The following ITGA7 variants were observed in gnomAD, a reference collection of about 807,000 sequenced individuals.
ITGA7 encodes integrin subunit alpha 7, also known as integrin alpha-7.
A neutral mutation model predicts 131.6 loss-of-function variants in ITGA7; 84 were observed. The ratio of observed to expected loss-of-function variants is 0.64; its 90% CI spans 0.54 to 0.77. The LOEUF is 0.77. Among genes scored for constraint, ITGA7 ranks in the 30% least tolerant of loss-of-function variants. The pLI, the probability that ITGA7 is intolerant of heterozygous loss-of-function variation, is 0.00. For synonymous variants in ITGA7, 548 were observed against 600.7 expected (o/e 0.91, Z 1.28); for missense variants, 1,399 against 1,482.9 (o/e 0.94, Z 0.93).
At chr12:55,703,439 C>CACACACAT (rs1874525421) in intron 1 of ITGA7, among the ~76,000 whole-genome samples, 1 of 151,782 alleles carries the variant, frequency 6.6e-6, no homozygotes, top group South Asian at 2.1e-4. Flanking sequence ...CACACACACA[C>CACACACAT]ACATACACGC....
chr12:55,686,259 C>T (rs201332795), intron 24 of ITGA7: 239 of 1,349,264 alleles, frequency 1.8e-4, no homozygotes, highest in Admixed American at 3.8e-4. Flanking sequence ...CAGACAGGCC[C>T]GGTGATAGTT....
At chr12:55,693,943 C>T in intron 19 of ITGA7, 78 bp downstream of exon 19, 1 of 1,172,270 alleles carries the variant, frequency 8.5e-7, no homozygotes, top group East Asian at 2.5e-5. Context: ...GAGCCCCAGC[C>T]CTGGGGACAC....
chr12:55,692,912 C>A lies in ITGA7; in HGVS notation c.2776G>T (p.Glu926Ter). Residue 926 changes from glutamate to a stop codon, truncating the protein, a stop_gained, in exon 21 of 25, where the codon GAG (glutamate) becomes TAG (stop). Transcript: ENST00000257879. LOFTEE classifies it high-confidence loss of function. ...LEPPEQQEPG[E>*]RQEPSMSWWP... ...CAGGACATGCTGGGCTCCTGCCGCT[C>A]ACCAGGCTCCTGCTGCTCAGGTGGC... 1 of 1,614,168 alleles carries A rather than the reference C, an allele frequency of 6.2e-7. No individual in the cohort carries two copies. The highest frequency in any genetic ancestry group is 8.5e-7 in the Non-Finnish European group (1 of 1,180,042).
intron 1 of ITGA7, among the ~76,000 whole-genome samples, chr12:55,707,172 GC>G (rs2136099514): frequency 6.6e-6 from 1 of 152,358 alleles, no homozygotes; most frequent in South Asian, 2.1e-4. Context: ...GGAGCCAGAG[GC>G]CCTGGGGCTG....
upstream of ITGA7, chr12:55,707,938 T>C (rs1875599989): frequency 2.1e-5 from 28 of 1,361,688 alleles, no homozygotes; most frequent in Non-Finnish European, 2.5e-5. Context: ...GGGACGCCAC[T>C]CAGGCCCCGC....
Position 55,697,529 on chromosome 12 carries a change from T to C in ITGA7, c.1427A>G (p.His476Arg), listed in dbSNP as rs1872910734. ...AVLFRARPILHVSHEVSIAPR... is the reference protein window; with the variant it reads ...AVLFRARPILRVSHEVSIAPR... ...AGCAATAGAGACCTCATGGGAGACA[T>C]GGAGGATGGGTCTGGCCCTGGGATT... Residue 476 changes from histidine to arginine, a missense_variant, in exon 10 of 25, where the codon CAT becomes CGT. Transcript: ENST00000257879. 4 of 1,613,866 alleles carry C rather than the reference T, an allele frequency of 2.5e-6. No individual in the cohort carries two copies. Among genetic ancestry groups the C allele is most frequent in the African/African-American group, 1.3e-5 (1 of 75,014 alleles).
chr12:55,714,862 T>A (rs1876400596), upstream of ITGA7, among the ~76,000 whole-genome samples: 1 of 94,716 alleles, frequency 1.1e-5, no homozygotes, highest in Admixed American at 1.1e-4. Flanking sequence ...AATCAAGGCT[T>A]TTTTTTTTTT....
intron 13 of ITGA7, 23 bp from the exon 14 acceptor site, chr12:55,695,660 G>A (rs1425527780): frequency 6.4e-7 from 1 of 1,569,218 alleles, no homozygotes; most frequent in East Asian, 2.2e-5. Context: ...ATGAGATAAG[G>A]GGCATTCCTA....
Position 55,688,963 on chromosome 12 carries a change from G to C in ITGA7, c.2845-6C>G. The C allele has an allele frequency of 1.2e-6, 2 of 1,611,138 alleles. No homozygotes were observed. Among genetic ancestry groups the C allele is most frequent in the Non-Finnish European group, 1.7e-6 (2 of 1,177,442 alleles). ...GCCGTGCCCCGGGCGCAGTCCTAGG[G>C]ATAAGGACAGACAGGGGTCTAAGCC... On this transcript the variant is annotated splice_polypyrimidine_tract_variant and splice_region_variant and intron_variant, in intron 21 of 24. Transcript: ENST00000257879.
At position 55,684,628 on chromosome 12, in the gene ITGA7, A is replaced by C. The variant is rs1483072562; in HGVS notation, c.*430T>G. ...ACCACGAAACCACTAGACTGATGGC[A>C]GCAAACTAAGGTCAGATGAGAGGGG... is the stretch of plus-strand genomic sequence containing the variant. On this transcript the variant is annotated 3_prime_UTR_variant, in exon 25 of 25. Transcript: ENST00000257879. The C allele has an allele frequency of 5.3e-6, 1 of 188,886 alleles. No homozygotes were observed. The highest frequency in any genetic ancestry group is 2.3e-5 in the African/African-American group (1 of 42,638). 11.7% of individuals were successfully genotyped at this position (188,886 alleles called of 1,614,324 possible). A position where few individuals can be genotyped will look rare whatever the true frequency, so the allele number is the denominator to read the frequency against.
chr12:55,705,634 C>A (rs1875019605), intron 1 of ITGA7, among the ~76,000 whole-genome samples: 1 of 152,258 alleles, frequency 6.6e-6, no homozygotes, highest in Non-Finnish European at 1.5e-5. Flanking sequence ...GTAAGGCGCT[C>A]TGTGAATCAC....
chr12:55,709,686 G>A (rs1394145499), upstream of ITGA7, among the ~76,000 whole-genome samples: 9 of 109,274 alleles, frequency 8.2e-5, no homozygotes, highest in African/African-American at 1.1e-4. Flanking sequence ...AGGTCCCCCC[G>A]CCCCCGACCC....
At position 55,704,798 on chromosome 12, in the gene ITGA7, C is replaced by G. The variant is rs536612818; in HGVS notation, c.207-1620G>C. 3.5e-3 allele frequency among the ~76,000 whole-genome samples: 528 copies of G among 152,274 alleles called. 6 individuals are homozygous for G. Among genetic ancestry groups the G allele is most frequent in the Non-Finnish European group, 6.1e-3 (414 of 67,998 alleles). ...CTGACCTGTCTCTAGAACACTGAGA[C>G]CACCCCAGAAAGGGAAGGAGAGAGT... On this transcript the variant is annotated intron_variant, in intron 1 of 24. Transcript: ENST00000257879.
At position 55,697,545 on chromosome 12, in the gene ITGA7, C is replaced by T. The variant is rs1592448132; in HGVS notation, c.1411G>A (p.Ala471Thr). 1.9e-6 allele frequency: 3 copies of T among 1,613,736 alleles called. No homozygotes were observed. Among genetic ancestry groups the T allele is most frequent in the East Asian group, 2.2e-5 (1 of 44,876 alleles). Residue 471 changes from alanine to threonine, a missense_variant and splice_region_variant, in exon 10 of 25, where the codon GCC becomes ACC. Coordinates refer to ENST00000257879, the MANE Select transcript of ITGA7 (RefSeq NM_002206.3). Reference protein sequence around the residue: ...SLADTAVLFRARPILHVSHEV... With the variant: ...SLADTAVLFRTRPILHVSHEV... Reference sequence around the variant, plus strand: ...TGGGAGACATGGAGGATGGGTCTGGCCCTGGGATTGGGGAGTCAAGAGCAC... The same window carrying T: ...TGGGAGACATGGAGGATGGGTCTGGTCCTGGGATTGGGGAGTCAAGAGCAC...
At position 55,704,031 on chromosome 12, in the gene ITGA7, G is replaced by T. The variant is rs570730407; in HGVS notation, c.207-853C>A. 5.3e-5 allele frequency among the ~76,000 whole-genome samples: 8 copies of T among 152,322 alleles called. No individual in the cohort carries two copies. The East Asian group carries it at 1.5e-3, about 29-fold the overall frequency. ...CTTCCCCAGGGGAGCACAGTGCTGG[G>T]AATGGAGGCTGCCTGGGTCCCCTGG... On this transcript the variant is annotated intron_variant, in intron 1 of 24. Transcript: ENST00000257879.
chr12:55,708,273 G>A (rs902429065), upstream of ITGA7, among the ~76,000 whole-genome samples: 2 of 152,244 alleles, frequency 1.3e-5, no homozygotes, highest in African/African-American at 4.8e-5. Flanking sequence ...CCTGGGAAGA[G>A]AGATGTGCAG....
intron 24 of ITGA7, among the ~76,000 whole-genome samples, chr12:55,687,760 G>T (rs1021739023): frequency 6.6e-6 from 1 of 152,194 alleles, no homozygotes; most frequent in Non-Finnish European, 1.5e-5. Flanking sequence ...AAAGTGCTGA[G>T]ATTCCAGGCA....
upstream of ITGA7, among the ~76,000 whole-genome samples, chr12:55,710,093 G>A (rs951287466): frequency 2.6e-5 from 4 of 152,344 alleles, no homozygotes; most frequent in South Asian, 2.1e-4. Flanking sequence ...GGGCGCGGTG[G>A]CTCACGCCTA....
Position 55,692,850 on chromosome 12 carries a change from G to C in ITGA7, c.2838C>G (p.Ile946Met). 1 of 1,611,734 alleles carries C rather than the reference G, an allele frequency of 6.2e-7. No individual in the cohort carries two copies. The highest frequency in any genetic ancestry group is 8.5e-7 in the Non-Finnish European group (1 of 1,179,030). Residue 946 changes from isoleucine to methionine, a missense_variant, in exon 21 of 25, where the codon ATC becomes ATG. Transcript: ENST00000257879. ...GAGTCTGGCCTGCCCTCACCAGGGT[G>C]ATGTTTTTCTTCTTCTCAGCAGAGG... ...PVSSAEKKKN[I>M]TLDCARGTAN...
Sources: allele counts gnomAD v4.1 joint callset (sites outside exome capture counted in the v4.1 genomes callset), GRCh38; gene constraint gnomAD v4.1.1; transcripts MANE v1.5; gene names NCBI Gene and HGNC (gene_info 2026-07-23, HGNC 2026-07-21).